TSPAN1: variants seen among roughly 807,000 people sequenced by gnomAD.
The protein encoded by TSPAN1 is tetraspanin 1, also known as tetraspanin-1.
In TSPAN1, 23 loss-of-function variants were observed where a neutral mutation model predicts 26.9. The observed-to-expected ratio is 0.85, with a 90% CI of 0.62 to 1.21. The LOEUF is 1.21. TSPAN1 is among the 50% of genes most tolerant of loss of function. The pLI is 0.00. For missense variants in TSPAN1, 283 were observed against 298.4 expected, an observed-to-expected ratio of 0.95 and a Z score of 0.38; for synonymous variants, 115 against 114.8, an observed-to-expected ratio of 1.00 and a Z score of -0.01.
chr1:46,193,569 A>G, the TSPAN1 span: 1 of 1,614,112 alleles, frequency 6.2e-7, no homozygotes, highest in Middle Eastern at 1.6e-4. Flanking sequence ...CTCACCTCAT[A>G]GTAGCCGTCA....
At position 46,184,235 on chromosome 1, in the gene TSPAN1, C is replaced by T. The variant is rs981987972; in HGVS notation, c.102C>T (p.Ile34=). Residue 34 remains isoleucine, a synonymous_variant, in exon 4 of 9, where the codon ATC becomes ATT. Coordinates refer to ENST00000372003, the MANE Select transcript of TSPAN1 (RefSeq NM_005727.4). The stretch of plus-strand genomic sequence containing the variant: ...TGGCAGTGGGCATCTGGGTGTCAAT[C>T]GATGGGGCATCCTTTCTGAAGATCT... ...ALLAVGIWVS[I]DGASFLKIFG... 4.3e-6 allele frequency: 7 copies of T among 1,614,084 alleles called. No individual in the cohort carries two copies. Among genetic ancestry groups the T allele is most frequent in the African/African-American group, 1.3e-5 (1 of 74,924 alleles).
At chr1:46,177,459 T>C (rs1657207610) in intron 1 of TSPAN1, among the ~76,000 whole-genome samples, 1 of 152,194 alleles carries the variant, frequency 6.6e-6, no homozygotes, top group Admixed American at 6.5e-5. Flanking sequence ...ATGAAACTTA[T>C]CTAAAGCACA....
At chr1:46,185,372 G>C (rs1657407656) in intron 8 of TSPAN1, 64 bp downstream of exon 8, 9 of 1,609,812 alleles carry the variant, frequency 5.6e-6, no homozygotes, top group Non-Finnish European at 7.7e-6. Flanking sequence ...CAACCCATCT[G>C]AGGCCTCTCT....
chr1:46,188,884 A>T, downstream of TSPAN1: 1 of 1,612,888 alleles, frequency 6.2e-7, no homozygotes, highest in Non-Finnish European at 8.5e-7. Flanking sequence ...CCCTCAGGGC[A>T]GCATTCCAGC....
chr1:46,190,400 T>G, downstream of TSPAN1: 19 of 1,512,640 alleles, frequency 1.3e-5, no homozygotes, highest in South Asian at 1.6e-4. Flanking sequence ...CAGGACCCTG[T>G]AAATTATGGG....
the TSPAN1 span, chr1:46,194,782 C>A: frequency 5.0e-6 from 8 of 1,613,500 alleles, no homozygotes; most frequent in Non-Finnish European, 6.8e-6. Flanking sequence ...ACCCCATCTC[C>A]TAGGGTTCTG....
In TSPAN1 at chr1:46,176,167, A is replaced by G. The variant is rs188321630; in HGVS notation, c.-142+758A>G. On this transcript the variant is annotated intron_variant, in intron 1 of 8. Coordinates refer to ENST00000372003, the MANE Select transcript of TSPAN1 (RefSeq NM_005727.4). ...CGGGATTACAGGCATGAGCCACCGC[A>G]CCCAGCCTAGTGGCTCTGTTTTTTA... The G allele has an allele frequency of 2.8e-3, 4,259 of 1,524,810 alleles. 12 individuals are homozygous for G. The highest frequency in any genetic ancestry group is 3.3e-3 in the Non-Finnish European group (3,735 of 1,138,282). The allele number at this position is 1,524,810 out of a possible 1,614,324, so 94.5% of individuals were successfully genotyped here.
chr1:46,194,571 G>A, the TSPAN1 span: 4 of 1,614,134 alleles, frequency 2.5e-6, no homozygotes, highest in East Asian at 8.9e-5. Flanking sequence ...GAGCTCAATG[G>A]CACATCTGTC....
Position 46,175,289 on chromosome 1 carries a change from G to T in TSPAN1, c.-262G>T. On this transcript the variant is annotated 5_prime_UTR_variant, in exon 1 of 9. Coordinates refer to ENST00000372003, the MANE Select transcript of TSPAN1 (RefSeq NM_005727.4). ...GCAGTTAGGAGTGTAAGGCAAGAGA[G>T]CCCCTACTTCATGGGGCAGATCAAG... The T allele has an allele frequency of 3.4e-6, 1 of 292,012 alleles. No homozygotes were observed. The highest frequency in any genetic ancestry group is 6.3e-6 in the Non-Finnish European group (1 of 158,976). 18.1% of individuals were successfully genotyped at this position (292,012 alleles called of 1,614,324 possible).
the TSPAN1 span, chr1:46,195,820 G>A: frequency 6.3e-7 from 1 of 1,594,336 alleles, no homozygotes; most frequent in Non-Finnish European, 8.6e-7. Context: ...CCTTGACAGT[G>A]CAGATGAGCA....
intron 1 of TSPAN1, among the ~76,000 whole-genome samples, chr1:46,177,095 G>T (rs559154474): frequency 3.3e-5 from 5 of 152,240 alleles, no homozygotes; most frequent in African/African-American, 1.2e-4. Context: ...AGCACTTTGG[G>T]AGGCCGAGGT....
intron 1 of TSPAN1, among the ~76,000 whole-genome samples, chr1:46,180,051 T>A (rs1657279854): frequency 6.6e-6 from 1 of 152,146 alleles, no homozygotes; most frequent in African/African-American, 2.4e-5. Flanking sequence ...TTCTGTTGTT[T>A]GTTAGTTGCT....
In TSPAN1 at chr1:46,184,313, C is replaced by A. The variant is rs1657376366; in HGVS notation, c.180C>A (p.Leu60=). 6.2e-7 allele frequency: 1 copy of A among 1,614,108 alleles called. No individual in the cohort carries two copies. ...AGTTTGTCAACGTGGGCTACTTCCTCATCGCAGCCGGCGTTGTGGTCTTTG... is the reference window on the plus strand; with the variant it reads ...AGTTTGTCAACGTGGGCTACTTCCTAATCGCAGCCGGCGTTGTGGTCTTTG... ...AMQFVNVGYF[L]IAAGVVVFAL... is the part of the protein sequence containing the mutation. The change falls in exon 4 of 9, where the codon CTC becomes CTA. Residue 60 remains leucine, a synonymous_variant. Coordinates refer to ENST00000372003, the MANE Select transcript of TSPAN1 (RefSeq NM_005727.4).
In TSPAN1 at chr1:46,185,288, G is replaced by A; in HGVS notation, c.658G>A (p.Ala220Thr). The change falls in exon 8 of 9, where the codon GCT becomes ACT. Residue 220 changes from alanine to threonine, a missense_variant. Transcript: ENST00000372003. Reference protein sequence around the residue: ...TNAVTVGGVAAGIGGLELAAM... With the variant: ...TNAVTVGGVATGIGGLELAAM... ...TGCAGTCACCGTGGGTGGTGTGGCA[G>A]CTGGAATTGGGGGCCTCGAGGTAAG... 1 of 1,614,154 alleles carries A rather than the reference G, an allele frequency of 6.2e-7. No homozygotes were observed. The highest frequency in any genetic ancestry group is 1.1e-5 in the South Asian group (1 of 91,082).
At chr1:46,187,393 G>A (rs1657457490), downstream of TSPAN1, among the ~76,000 whole-genome samples, 1 of 152,158 alleles carries the variant, frequency 6.6e-6, no homozygotes, top group South Asian at 2.1e-4. Flanking sequence ...CTGCTACCAA[G>A]CAAAGCCCAG....
chr1:46,182,592 C>T (rs1048059658), intron 3 of TSPAN1, among the ~76,000 whole-genome samples: 7 of 152,076 alleles, frequency 4.6e-5, no homozygotes, highest in African/African-American at 1.4e-4. Flanking sequence ...TGCCTGTAAT[C>T]CCAGCTACTT....
chr1:46,194,217 GC>G, the TSPAN1 span: 1 of 1,613,706 alleles, frequency 6.2e-7, no homozygotes, highest in Non-Finnish European at 8.5e-7. Context: ...CATTCCTGGG[GC>G]CCCCCTGCTG....
the TSPAN1 span, chr1:46,195,939 A>T: frequency 1.2e-6 from 2 of 1,614,076 alleles, no homozygotes; most frequent in Non-Finnish European, 8.5e-7. Context: ...CAGGGGATAT[A>T]CTTCTGGTGA....
chr1:46,176,060 A>G (rs989253937), intron 1 of TSPAN1, among the ~76,000 whole-genome samples: 10 of 152,140 alleles, frequency 6.6e-5, no homozygotes, highest in Non-Finnish European at 1.5e-4. Flanking sequence ...TATTTTTAGT[A>G]GAGATGGGAT....
Sources: gnomAD v4.1 joint callset for allele counts (sites outside exome capture counted in the v4.1 genomes callset) on GRCh38, gnomAD v4.1.1 for gene constraint, MANE v1.5 for transcripts, NCBI Gene and HGNC (gene_info 2026-07-23, HGNC 2026-07-21) for gene names.